CSMD1: variants seen among roughly 807,000 people sequenced by gnomAD.
The protein encoded by CSMD1 is CUB and Sushi multiple domains 1.
Under a neutral mutation model 417.5 loss-of-function variants are expected in CSMD1, and 213 were observed. That is an observed-to-expected ratio of 0.51 (90% confidence interval 0.46 to 0.57). The LOEUF (loss-of-function observed/expected upper bound fraction) is 0.57. CSMD1 is among the 20% of genes least tolerant of loss of function. The pLI is 0.00. For synonymous variants in CSMD1, 2,862 were observed against 1,736.8 expected (o/e 1.65, Z -16.11); for missense variants, 6,923 against 4,529.7 (o/e 1.53, Z -15.17).
intron 8 of CSMD1, among the ~76,000 whole-genome samples, chr8:3,611,521 T>G (rs901679498): frequency 6.6e-6 from 1 of 150,890 alleles, no homozygotes; most frequent in African/African-American, 2.4e-5. Flanking sequence ...GTCTTTTACT[T>G]CAAGGAAAAT....
rs186032304 is a variant in CSMD1, at chr8:4,696,694, C to T, written c.86-59136G>A. Among the ~76,000 whole-genome samples the T allele has an allele frequency of 1.7e-3, 253 of 152,246 alleles. 1 individual carries two copies. Among genetic ancestry groups the T allele is most frequent in the African/African-American group, 5.9e-3 (247 of 41,532 alleles). On this transcript the variant is annotated intron_variant, in intron 1 of 69. Transcript: ENST00000635120. The stretch of plus-strand genomic sequence containing the variant: ...CTTTATCCACAGAGAAGGTATGACC[C>T]ATGAAGGCAAGGACTTTATCTATTT...
At chr8:3,037,127 A>G (rs1810735813) in intron 50 of CSMD1, among the ~76,000 whole-genome samples, 1 of 152,178 alleles carries the variant, frequency 6.6e-6, no homozygotes, top group Non-Finnish European at 1.5e-5. Flanking sequence ...CTCCAGCTCC[A>G]TCCAAGTCCC....
intron 3 of CSMD1, among the ~76,000 whole-genome samples, chr8:4,290,178 G>T (rs1196430797): frequency 1.3e-5 from 2 of 152,270 alleles, no homozygotes; most frequent in African/African-American, 4.8e-5. Flanking sequence ...GAGTTGCGTG[G>T]ACTTTTGAAA....
intron 5 of CSMD1, among the ~76,000 whole-genome samples, chr8:3,759,669 G>A (rs560621225): frequency 1.9e-4 from 28 of 151,126 alleles, no homozygotes; most frequent in Admixed American, 9.2e-4. Context: ...CAAGGTCAGC[G>A]GACCACCTGA....
intron 1 of CSMD1, among the ~76,000 whole-genome samples, chr8:4,737,775 G>C (rs569865540): frequency 1.6e-4 from 25 of 152,136 alleles, no homozygotes; most frequent in Non-Finnish European, 2.6e-4. Flanking sequence ...AGAAGACATA[G>C]AAACAAATAG....
intron 5 of CSMD1, among the ~76,000 whole-genome samples, chr8:3,973,521 A>G (rs1449767959): frequency 6.6e-6 from 1 of 152,226 alleles, no homozygotes; most frequent in Non-Finnish European, 1.5e-5. Context: ...TTCTGGTATA[A>G]GAACAAACGT....
At chr8:4,819,316 C>A (rs988855422) in intron 1 of CSMD1, among the ~76,000 whole-genome samples, 1 of 152,126 alleles carries the variant, frequency 6.6e-6, no homozygotes, top group African/African-American at 2.4e-5. Flanking sequence ...TTGTATTAGA[C>A]AACATAGCTC....
At chr8:4,825,023 G>A (rs1262053373) in intron 1 of CSMD1, among the ~76,000 whole-genome samples, 2 of 152,008 alleles carry the variant, frequency 1.3e-5, no homozygotes, top group Non-Finnish European at 2.9e-5. Context: ...ATGACACTTA[G>A]GTTTTTATCC....
Position 3,601,660 on chromosome 8 carries a change from G to C in CSMD1, c.1097+15050C>G, listed in dbSNP as rs140547667. 3.9e-3 allele frequency among the ~76,000 whole-genome samples: 592 copies of C among 152,268 alleles called. 1 individual carries two copies. The highest frequency in any genetic ancestry group is 5.0e-3 in the Non-Finnish European group (337 of 68,020). On this transcript the variant is annotated intron_variant, in intron 8 of 69. Coordinates refer to ENST00000635120, the MANE Select transcript of CSMD1 (RefSeq NM_033225.6). ...GCGTCAACAAACTTTAAGGCTAATG[G>C]AAGCCTGTGAAATCATTGGTAATAT... is the stretch of plus-strand genomic sequence containing the variant.
chr8:4,068,896 G>T (rs1563081085), intron 3 of CSMD1, among the ~76,000 whole-genome samples: 1 of 152,118 alleles, frequency 6.6e-6, no homozygotes, highest in Admixed American at 6.6e-5. Context: ...TAAAAATATG[G>T]TTATAATAAC....
intron 19 of CSMD1, 60 bp from the exon 20 acceptor site, chr8:3,367,307 G>A (rs34455214): frequency 0.22 from 253,772 of 1,172,082 alleles, 28,876 homozygotes; most frequent in South Asian, 0.32. Flanking sequence ...GGGCGGCGGG[G>A]GCAGAGAGGG....
At chr8:4,141,558 T>C (rs183005482) in intron 3 of CSMD1, among the ~76,000 whole-genome samples, 1 of 151,290 alleles carries the variant, frequency 6.6e-6, no homozygotes, top group East Asian at 1.9e-4. Context: ...TAAGAAGCTC[T>C]TACAAACCTG....
At chr8:4,583,837 C>T (rs1470864013) in intron 2 of CSMD1, among the ~76,000 whole-genome samples, 2 of 152,096 alleles carry the variant, frequency 1.3e-5, no homozygotes, top group African/African-American at 2.4e-5. Context: ...CCACTCGTGT[C>T]CCCTTCCACA....
rs575402435 is a variant in CSMD1 at position 4,814,195 on chromosome 8, T to TGC, written c.86-176638_86-176637insGC. ...AGGTTTCTTCCATCTTCAGAATGAT[T>TGC]TTGTGTGTGTGTGTGTGTGTGTGCG... On this transcript the variant is annotated intron_variant, in intron 1 of 69. Transcript: ENST00000635120. 1.2e-4 allele frequency among the ~76,000 whole-genome samples: 18 copies of TGC among 148,166 alleles called. No individual in the cohort carries two copies. In the South Asian group the frequency reaches 3.5e-3, roughly 28 times the overall value.
chr8:4,102,969 G>T (rs530855058), intron 3 of CSMD1, among the ~76,000 whole-genome samples: 1 of 152,050 alleles, frequency 6.6e-6, no homozygotes, highest in Non-Finnish European at 1.5e-5. Flanking sequence ...ACTTTAACAC[G>T]TGCAGAGCCA....
intron 1 of CSMD1, among the ~76,000 whole-genome samples, chr8:4,823,694 G>C (rs1374823361): frequency 6.6e-6 from 1 of 152,040 alleles, no homozygotes; most frequent in African/African-American, 2.4e-5. Context: ...TCTCTATGGT[G>C]AGAATTAATA....
chr8:3,664,232 G>A (rs971760434), intron 7 of CSMD1, among the ~76,000 whole-genome samples: 15 of 152,080 alleles, frequency 9.9e-5, no homozygotes, highest in Admixed American at 9.2e-4. Flanking sequence ...CCCACTCTGT[G>A]TTCAAGTGTT....
At chr8:3,677,527 G>T (rs115420847) in intron 7 of CSMD1, among the ~76,000 whole-genome samples, 13 of 152,266 alleles carry the variant, frequency 8.5e-5, no homozygotes, top group Admixed American at 1.3e-4. Flanking sequence ...GGTGTCCCCA[G>T]GGTGGCTGGG....
intron 2 of CSMD1, among the ~76,000 whole-genome samples, chr8:4,520,395 G>A (rs1223430446): frequency 6.6e-6 from 1 of 152,104 alleles, no homozygotes; most frequent in African/African-American, 2.4e-5. Flanking sequence ...ATATAATGTT[G>A]GCTAGCTGGT....
Sources: gnomAD v4.1 joint callset for allele counts (sites outside exome capture counted in the v4.1 genomes callset) on GRCh38, gnomAD v4.1.1 for gene constraint, MANE v1.5 for transcripts, NCBI Gene and HGNC (gene_info 2026-07-23, HGNC 2026-07-21) for gene names.